The following PRKAR2A variants were observed in gnomAD, a reference collection of about 807,000 sequenced individuals.
The protein encoded by PRKAR2A is protein kinase cAMP-dependent type II regulatory subunit alpha, also known as cAMP-dependent protein kinase type II-alpha regulatory subunit.
PRKAR2A carries 29 observed loss-of-function variants against 51.9 expected under a neutral mutation model. The ratio of observed to expected loss-of-function variants is 0.56; its 90% CI spans 0.42 to 0.76. PRKAR2A has a LOEUF of 0.76. PRKAR2A is among the 30% of genes least tolerant of loss of function. The pLI is 0.00. For synonymous variants in PRKAR2A, 178 were observed against 186.2 expected, an observed-to-expected ratio of 0.96 and a Z score of 0.36; for missense variants, 445 against 512.1, an observed-to-expected ratio of 0.87 and a Z score of 1.26.
chr3:48,753,082 G>A (rs975394430), intron 9 of PRKAR2A, among the ~76,000 whole-genome samples: 1 of 151,252 alleles, frequency 6.6e-6, no homozygotes, highest in Non-Finnish European at 1.5e-5. Context: ...ACAGGCGCCC[G>A]CCACCACGCC....
chr3:48,836,619 G>GA (rs2083291627), intron 1 of PRKAR2A, among the ~76,000 whole-genome samples: 1 of 151,214 alleles, frequency 6.6e-6, no homozygotes, highest in East Asian at 1.9e-4. Flanking sequence ...GCACAAACAA[G>GA]AAAAGAAAAA....
intron 6 of PRKAR2A, among the ~76,000 whole-genome samples, chr3:48,770,097 G>C (rs2082007743): frequency 6.6e-6 from 1 of 152,108 alleles, no homozygotes; most frequent in Non-Finnish European, 1.5e-5. Context: ...TTTTACGCAT[G>C]CTTTAACACT....
At chr3:48,819,101 C>T (rs912821527) in intron 1 of PRKAR2A, among the ~76,000 whole-genome samples, 1 of 152,034 alleles carries the variant, frequency 6.6e-6, no homozygotes, top group African/African-American at 2.4e-5. Context: ...CTGCAACCTC[C>T]GCCTCCTGGG....
intron 5 of PRKAR2A, 131 bp from the exon 6 acceptor site, chr3:48,773,239 C>A: frequency 2.9e-6 from 2 of 680,348 alleles, no homozygotes; most frequent in African/African-American, 1.8e-5. Flanking sequence ...ATAAAAAAAA[C>A]ATATTTTTGT....
intron 4 of PRKAR2A, 142 bp from the exon 5 acceptor site, chr3:48,783,234 TTTCC>T (rs2082232824): frequency 4.8e-6 from 3 of 627,578 alleles, no homozygotes; most frequent in Non-Finnish European, 8.5e-6. Context: ...AAACAAATGC[TTTCC>T]TGGGACCATT....
At chr3:48,753,293 GT>G (rs145148583) in intron 9 of PRKAR2A, among the ~76,000 whole-genome samples, 242 of 144,858 alleles carry the variant, frequency 1.7e-3, no homozygotes, top group Non-Finnish European at 2.1e-3. Context: ...ATATCTAGAG[GT>G]TTTTTTTTTT....
intron 6 of PRKAR2A, among the ~76,000 whole-genome samples, chr3:48,772,434 T>C (rs1377595995): frequency 2.6e-5 from 4 of 152,176 alleles, no homozygotes; most frequent in Non-Finnish European, 5.9e-5. Context: ...CTCGAACTCC[T>C]GACCTCAAGT....
At chr3:48,753,077 C>T (rs565717054) in intron 9 of PRKAR2A, among the ~76,000 whole-genome samples, 13 of 151,318 alleles carry the variant, frequency 8.6e-5, no homozygotes, top group African/African-American at 2.4e-4. Context: ...GGACCACAGG[C>T]GCCCGCCACC....
At chr3:48,762,425 G>A (rs2081877346) in intron 8 of PRKAR2A, among the ~76,000 whole-genome samples, 1 of 152,054 alleles carries the variant, frequency 6.6e-6, no homozygotes, top group Non-Finnish European at 1.5e-5. Context: ...TACTAAGGAG[G>A]CCAGCCTGGC....
At chr3:48,846,373 C>A (rs868670523) in intron 1 of PRKAR2A, among the ~76,000 whole-genome samples, 3 of 152,034 alleles carry the variant, frequency 2.0e-5, no homozygotes, top group Non-Finnish European at 4.4e-5. Flanking sequence ...CCCGCCACCA[C>A]GCCCGGCTAA....
intron 5 of PRKAR2A, among the ~76,000 whole-genome samples, chr3:48,781,714 C>T (rs1397979311): frequency 5.9e-5 from 9 of 151,882 alleles, no homozygotes; most frequent in East Asian, 3.9e-4. Flanking sequence ...AGTTTCACTA[C>T]GTTGGCCAGG....
intron 6 of PRKAR2A, among the ~76,000 whole-genome samples, chr3:48,768,608 G>C (rs543286402): frequency 2.6e-5 from 4 of 151,992 alleles, no homozygotes; most frequent in African/African-American, 9.7e-5. Flanking sequence ...TGAGGCATGA[G>C]AATTACTTGA....
At chr3:48,846,268 T>A (rs977620325) in intron 1 of PRKAR2A, among the ~76,000 whole-genome samples, 1 of 150,194 alleles carries the variant, frequency 6.7e-6, no homozygotes, top group Non-Finnish European at 1.5e-5. Flanking sequence ...CAGGCTGGAG[T>A]GCAGTGGCAT....
rs1559617782 is a variant in PRKAR2A at position 48,783,012 on chromosome 3, A to G, written c.516T>C (p.Asp172=). The G allele has an allele frequency of 6.2e-7, 1 of 1,613,272 alleles. No individual in the cohort carries two copies. Among genetic ancestry groups the G allele is most frequent in the Non-Finnish European group, 8.5e-7 (1 of 1,179,446 alleles). ...ADEHVIDQGD[D]GDNFYVIERG... is the part of the protein sequence containing the mutation. ...GTTCTATGACATAAAAGTTGTCTCC[A>G]TCATCTCCTTGGTCAATGACATGCT... is the stretch of plus-strand genomic sequence containing the variant. The change falls in exon 5 of 11, where the codon GAT becomes GAC. Residue 172 remains aspartate (D), a synonymous_variant. Coordinates refer to ENST00000265563, the MANE Select transcript of PRKAR2A (RefSeq NM_004157.4).
intron 3 of PRKAR2A, among the ~76,000 whole-genome samples, chr3:48,792,455 CTTTTTTTTTTT>C (rs983032500): frequency 4.5e-5 from 3 of 66,808 alleles, no homozygotes; most frequent in African/African-American, 1.1e-4. Context: ...AAGGTTTAAT[CTTTTTTTTTTT>C]TTTTTTTTTT....
chr3:48,754,105 T>TTA (rs1421988636), intron 9 of PRKAR2A, among the ~76,000 whole-genome samples: 1 of 151,860 alleles, frequency 6.6e-6, no homozygotes, highest in Admixed American at 6.6e-5. Context: ...TTTAACCATG[T>TTA]TAGCCAGGAT....
chr3:48,801,823 G>A (rs1575901316), intron 2 of PRKAR2A, among the ~76,000 whole-genome samples: 1 of 151,934 alleles, frequency 6.6e-6, no homozygotes, highest in South Asian at 2.1e-4. Context: ...TATAACCTCC[G>A]TCTCCAGAGT....
chr3:48,838,030 T>A (rs983717020), intron 1 of PRKAR2A, among the ~76,000 whole-genome samples: 1 of 151,584 alleles, frequency 6.6e-6, no homozygotes, highest in Admixed American at 6.6e-5. Flanking sequence ...TACAAAAAAT[T>A]AGCCGGGTGT....
At chr3:48,837,116 C>T (rs1470784536) in intron 1 of PRKAR2A, among the ~76,000 whole-genome samples, 1 of 151,642 alleles carries the variant, frequency 6.6e-6, no homozygotes, top group African/African-American at 2.4e-5. Context: ...TGACAGAGAC[C>T]CTGTCTCAAA....
Sources: allele counts gnomAD v4.1 joint callset (sites outside exome capture counted in the v4.1 genomes callset), GRCh38; gene constraint gnomAD v4.1.1; transcripts MANE v1.5; gene names NCBI Gene and HGNC (gene_info 2026-07-23, HGNC 2026-07-21).